The following CLCN2 variants were observed in gnomAD, a reference collection of about 807,000 sequenced individuals.
CLCN2 encodes chloride channel protein 2.
In CLCN2, 72 loss-of-function variants were observed where a neutral mutation model predicts 108.3. That is an observed-to-expected ratio of 0.66 (90% CI 0.55 to 0.81). The LOEUF (loss-of-function observed/expected upper bound fraction) is 0.81. Ranked by LOEUF, CLCN2 falls within the 30% of genes least tolerant of loss-of-function variation. CLCN2 has a pLI of 0.00. For synonymous variants in CLCN2, 471 were observed against 467.1 expected (o/e 1.01, Z -0.11); for missense variants, 1,048 against 1,205.2 (o/e 0.87, Z 1.93).
rs1359120528 is a variant in CLCN2 at position 184,357,386 on chromosome 3, A to C, written c.874T>G (p.Leu292Val). The change falls in exon 8 of 24, where the codon TTG becomes GTG. Residue 292 changes from leucine to valine, a missense_variant. Coordinates refer to ENST00000265593, the MANE Select transcript of CLCN2 (RefSeq NM_004366.6). ...CCTTCATCCCGGTTCCAGACTGCCAAGACCCGGAAGATGAAGGCACTGAAG... is the reference window on the plus strand; with the variant it reads ...CCTTCATCCCGGTTCCAGACTGCCACGACCCGGAAGATGAAGGCACTGAAG... ...ATFSAFIFRV[L>V]AVWNRDEETI... is the part of the protein sequence containing the mutation. The C allele has an allele frequency of 1.9e-6, 3 of 1,614,074 alleles. No individual in the cohort carries two copies. Among genetic ancestry groups the C allele is most frequent in the Non-Finnish European group, 2.5e-6 (3 of 1,180,010 alleles).
chr3:184,348,906 G>C (rs952102724), intron 22 of CLCN2: 3 of 152,132 alleles, frequency 2.0e-5, no homozygotes, highest in Non-Finnish European at 4.4e-5. Context: ...ACTAAGACTG[G>C]GGCTGCAACA....
At chr3:184,354,515 T>C in intron 14 of CLCN2, 33 bp downstream of exon 14, 1 of 1,527,966 alleles carries the variant, frequency 6.5e-7, no homozygotes, top group Non-Finnish European at 9.0e-7. Flanking sequence ...GGTGGGGGGG[T>C]CTCCCAAGGC....
rs200795200 is a variant in CLCN2 at position 184,357,059 on chromosome 3, T to C, written c.1019A>G (p.Tyr340Cys). 3.0e-5 allele frequency: 49 copies of C among 1,613,598 alleles called. No individual in the cohort carries two copies. In the East Asian group the frequency reaches 4.2e-4, roughly 14 times the overall value. ...ASGFGGALFV[Y>C]LNRKIVQVMR... is the part of the protein sequence containing the mutation. ...CACCTGGACAATCTTCCGGTTCAGG[T>C]AGACAAAGAGGGCTCCACCGAAGCC... is the stretch of plus-strand genomic sequence containing the variant. Residue 340 changes from tyrosine to cysteine, a missense_variant, in exon 10 of 24, where the codon TAC becomes TGC. By Grantham distance (194) the Tyr-to-Cys change is radical. Coordinates refer to ENST00000265593, the MANE Select transcript of CLCN2 (RefSeq NM_004366.6).
Position 184,352,004 on chromosome 3 carries a change from T to C in CLCN2, c.2415+9A>G, listed in dbSNP as rs192449317. The stretch of plus-strand genomic sequence containing the variant: ...CTAGACCAGCCCTGGGCCAGGCTGC[T>C]GGCCCTACCTTGTGCAAAGAGGTCC... On this transcript the variant is annotated intron_variant, in intron 22 of 23. Coordinates refer to ENST00000265593, the MANE Select transcript of CLCN2 (RefSeq NM_004366.6). 4.2e-3 allele frequency: 6,815 copies of C among 1,607,632 alleles called. 104 individuals are homozygous for C. The Admixed American group carries it at 0.044, about 10-fold the overall frequency.
At position 184,353,449 on chromosome 3, in the gene CLCN2, G is replaced by A. The variant is rs147085105; in HGVS notation, c.1856-27C>T. 2,709 of 1,583,596 alleles carry A rather than the reference G, an allele frequency of 1.7e-3. 40 individuals are homozygous for A. In the African/African-American group the frequency reaches 0.031, roughly 18 times the overall value. Reference sequence around the variant, plus strand: ...TGGACAGAACAGGTGGAAGGACTCAGGAGCTGAGAGGGAGCCCTCCAGCCC... The same window carrying A: ...TGGACAGAACAGGTGGAAGGACTCAAGAGCTGAGAGGGAGCCCTCCAGCCC... On this transcript the variant is annotated intron_variant, in intron 16 of 23. Coordinates refer to ENST00000265593, the MANE Select transcript of CLCN2 (RefSeq NM_004366.6).
rs769713180 is a variant in CLCN2, at chr3:184,358,821, C to T, written c.221-8G>A. 2.3e-5 allele frequency: 37 copies of T among 1,613,818 alleles called. No homozygotes were observed. In the African/African-American group the frequency reaches 4.7e-4, roughly 20 times the overall value. On this transcript the variant is annotated splice_region_variant and splice_polypyrimidine_tract_variant and intron_variant, in intron 2 of 23. Coordinates refer to ENST00000265593, the MANE Select transcript of CLCN2 (RefSeq NM_004366.6). The stretch of plus-strand genomic sequence containing the variant: ...GGCAGCGGACAGAACAGACTGGGTG[C>T]AGGGAAGGGAAGAAGGGGGAGGATG...
intron 3 of CLCN2, 132 bp from the exon 4 acceptor site, chr3:184,358,442 C>A: frequency 7.4e-7 from 1 of 1,359,498 alleles, no homozygotes; most frequent in Admixed American, 1.8e-5. Flanking sequence ...GGAAAGGGTC[C>A]CTGAGGGTAT....
At chr3:184,354,384 T>A (rs1018965671) in intron 14 of CLCN2, 70 bp from the exon 15 acceptor site, 2 of 1,499,520 alleles carry the variant, frequency 1.3e-6, no homozygotes, top group South Asian at 1.1e-5. Flanking sequence ...CCAGGGCAGG[T>A]CCTGAGTGGG....
Position 184,355,183 on chromosome 3 carries a change from T to A in CLCN2, c.1326+191A>T. The A allele has an allele frequency of 3.8e-6, 3 of 794,596 alleles. No individual in the cohort carries two copies. Among genetic ancestry groups the A allele is most frequent in the Non-Finnish European group, 6.4e-6 (3 of 465,652 alleles). 49.2% of individuals were successfully genotyped at this position (794,596 alleles called of 1,614,324 possible). On this transcript the variant is annotated intron_variant, in intron 12 of 23. Transcript: ENST00000265593. The surrounding 1 kb of genome is among the most constrained non-coding windows in gnomAD (Gnocchi z 6.3). ...AAGCAGATGGCTTGGGTTCAGATCA[T>A]CGCTCTGCCCTCTAGCTGTGTGACT...
Position 184,358,290 on chromosome 3 carries a change from C to G in CLCN2, c.373G>C (p.Gly125Arg). 6.2e-7 allele frequency: 1 copy of G among 1,614,020 alleles called. No homozygotes were observed. The highest frequency in any genetic ancestry group is 8.5e-7 in the Non-Finnish European group (1 of 1,180,030). Reference sequence around the variant, plus strand: ...TGGAGCAAGATGCTGGTGTTCAAGCCCCGGGACATCCACTGCTGGGCTGTG... The same window carrying G: ...TGGAGCAAGATGCTGGTGTTCAAGCGCCGGGACATCCACTGCTGGGCTGTG... ...CLQAQQWMSR[G>R]LNTSILLQYL... Residue 125 changes from glycine to arginine, a missense_variant, in exon 4 of 24, where the codon GGC (glycine) becomes CGC (arginine). Coordinates refer to ENST00000265593, the MANE Select transcript of CLCN2 (RefSeq NM_004366.6).
intron 14 of CLCN2, 99 bp downstream of exon 14, chr3:184,354,449 G>T: frequency 1.5e-6 from 2 of 1,330,458 alleles, no homozygotes; most frequent in Non-Finnish European, 2.1e-6. Context: ...TCTGAGGGAA[G>T]CCTGGTTTCT....
rs780992089 is a variant in CLCN2, at chr3:184,357,051, G to A, written c.1027C>T (p.Arg343Trp). ...FGGALFVYLN[R>W]KIVQVMRKQK... is the part of the protein sequence containing the mutation. ...TTCCGCATCACCTGGACAATCTTCC[G>A]GTTCAGGTAGACAAAGAGGGCTCCA... Residue 343 changes from arginine to tryptophan, a missense_variant, in exon 10 of 24, where the codon CGG becomes TGG. By Grantham distance (101) the Arg-to-Trp change is moderately radical. Transcript: ENST00000265593. 1.7e-5 allele frequency: 27 copies of A among 1,613,664 alleles called. No homozygotes were observed. Among genetic ancestry groups the A allele is most frequent in the African/African-American group, 9.3e-5 (7 of 74,886 alleles).
intron 1 of CLCN2, among the ~76,000 whole-genome samples, chr3:184,360,447 C>A (rs1711897949): frequency 6.6e-6 from 1 of 152,018 alleles, no homozygotes. Flanking sequence ...CCTACCCCAT[C>A]CCAAGGGTTG....
At chr3:184,348,535 A>G (rs531701429) in intron 22 of CLCN2, 36 of 151,174 alleles carry the variant, frequency 2.4e-4, no homozygotes, top group African/African-American at 8.5e-4. Context: ...TTGAATACCT[A>G]TAACACAGTT....
At chr3:184,359,244 C>T in intron 1 of CLCN2, 113 bp from the exon 2 acceptor site, 2 of 1,301,934 alleles carry the variant, frequency 1.5e-6, no homozygotes, top group East Asian at 2.3e-5. Context: ...GGATATCCCT[C>T]TTGAACGCAC....
chr3:184,353,851 G>T, intron 15 of CLCN2, 56 bp from the exon 16 acceptor site: 1 of 1,583,496 alleles, frequency 6.3e-7, no homozygotes, highest in South Asian at 1.1e-5. Flanking sequence ...GGTGCCCAGA[G>T]CATTGCCATC....
chr3:184,347,040 A>C lies in CLCN2; in HGVS notation c.2416-19T>G, dbSNP rs1328340557. On this transcript the variant is annotated intron_variant, in intron 22 of 23. Transcript: ENST00000265593. ...TGTGAGTCTGCAGTGTGGGGAGAAA[A>C]GCGATTGGACTTGATGGACGAGGGG... The C allele has an allele frequency of 1.2e-6, 2 of 1,605,200 alleles. No homozygotes were observed. The highest frequency in any genetic ancestry group is 2.7e-5 in the African/African-American group (2 of 74,644).
At position 184,353,330 on chromosome 3, in the gene CLCN2, G is replaced by A; in HGVS notation, c.1948C>T (p.Gln650Ter). The change falls in exon 17 of 24, where the codon CAG becomes TAG. Residue 650 changes from glutamine to a stop codon, truncating the protein, a stop_gained. Transcript: ENST00000265593. LOFTEE classifies it high-confidence loss of function. ...LSPARRRQHM[Q>*]ERRATQTSPL... Reference sequence around the variant, plus strand: ...GAGGTCTGGGTGGCTCTGCGCTCCTGCATGTGCTGCCGCCGGCGGGCTGGG... The same window carrying A: ...GAGGTCTGGGTGGCTCTGCGCTCCTACATGTGCTGCCGCCGGCGGGCTGGG... 2 of 1,613,372 alleles carry A rather than the reference G, an allele frequency of 1.2e-6. No homozygotes were observed. The highest frequency in any genetic ancestry group is 2.7e-5 in the African/African-American group (2 of 75,046).
chr3:184,352,742 A>T lies in CLCN2; in HGVS notation c.2212T>A (p.Ser738Thr). The T allele has an allele frequency of 6.2e-7, 1 of 1,613,152 alleles. No individual in the cohort carries two copies. Reference sequence around the variant, plus strand: ...GACAGGCTCCAGCCACTCACCTCCGAAGCAGCCTCAGGGGGTGGACTGCCA... The same window carrying T: ...GACAGGCTCCAGCCACTCACCTCCGTAGCAGCCTCAGGGGGTGGACTGCCA... Reference protein sequence around the residue: ...FCGSPPPEAASEKLESCEKRK... With the variant: ...FCGSPPPEAATEKLESCEKRK... The change falls in exon 19 of 24, where the codon TCG becomes ACG. Residue 738 changes from serine to threonine, a missense_variant. Coordinates refer to ENST00000265593, the MANE Select transcript of CLCN2 (RefSeq NM_004366.6).
Sources: allele counts gnomAD v4.1 joint callset (sites outside exome capture counted in the v4.1 genomes callset), GRCh38; gene constraint gnomAD v4.1.1; non-coding constraint Gnocchi (gnomAD v3.1); transcripts MANE v1.5; gene names NCBI Gene and HGNC (gene_info 2026-07-23, HGNC 2026-07-21).